The following CASP8 variants were observed in gnomAD, a reference collection of about 807,000 sequenced individuals.
CASP8 encodes the protein caspase-8.
A neutral mutation model predicts 46.3 loss-of-function variants in CASP8; 24 were observed. That is an observed-to-expected ratio of 0.52 (90% CI 0.38 to 0.73). The LOEUF (loss-of-function observed/expected upper bound fraction) is 0.73, where lower values mean the gene tolerates loss of function less well. Among genes scored for constraint, CASP8 ranks in the 30% least tolerant of loss-of-function variants. CASP8 has a pLI of 0.00. For missense variants in CASP8, 460 were observed against 559.0 expected (o/e 0.82, Z 1.79); for synonymous variants, 188 against 200.4 (o/e 0.94, Z 0.52).
At chr2:201,237,337 C>T (rs1211247323) in intron 2 of CASP8, among the ~76,000 whole-genome samples, 1 of 149,746 alleles carries the variant, frequency 6.7e-6, no homozygotes, top group Admixed American at 6.6e-5. Context: ...GTGATCTGCC[C>T]GCCTCGGCTT....
intron 2 of CASP8, among the ~76,000 whole-genome samples, chr2:201,236,258 C>T (rs1054008158): frequency 2.6e-5 from 4 of 152,156 alleles, no homozygotes; most frequent in African/African-American, 9.7e-5. Flanking sequence ...AGCGGCATCC[C>T]ATGCATTTTG....
At chr2:201,273,068 T>TC (rs1948389308) in intron 5 of CASP8, 126 bp downstream of exon 5, 1 of 848,624 alleles carries the variant, frequency 1.2e-6, no homozygotes, top group Non-Finnish European at 1.9e-6. Context: ...CTTTTTTTTT[T>TC]TTTTTTTGTG....
chr2:201,285,370 C>T (rs2125495240), intron 8 of CASP8, 53 bp downstream of exon 8: 6 of 1,580,050 alleles, frequency 3.8e-6, no homozygotes, highest in Non-Finnish European at 5.2e-6. Context: ...TCCCCCCCTA[C>T]TCCATCACAC....
rs1559372394 is a variant in CASP8, at chr2:201,283,727, C to CAGAGGGGCTCCTGGCT, written c.803-1089_803-1088insAGAGGGGCTCCTGGCT. Reference sequence around the variant, plus strand: ...CTCCCTCCCGGACGGGGCGGCTGGCCGGGCAGAGGGGCTCCTCACTTCCCA... The same window carrying CAGAGGGGCTCCTGGCT: ...CTCCCTCCCGGACGGGGCGGCTGGCCAGAGGGGCTCCTGGCTGGGCAGAGGGGCTCCTCACTTCCCA... On this transcript the variant is annotated intron_variant, in intron 7 of 8. Coordinates refer to ENST00000673742, the MANE Select transcript of CASP8 (RefSeq NM_001372051.1). Among the ~76,000 whole-genome samples, 113 of 75,336 alleles carry CAGAGGGGCTCCTGGCT rather than the reference C, an allele frequency of 1.5e-3. 2 individuals are homozygous for CAGAGGGGCTCCTGGCT. The highest frequency in any genetic ancestry group is 2.8e-3 in the Non-Finnish European group (81 of 28,606). 49.4% of individuals were successfully genotyped at this position (75,336 alleles called of 152,430 possible).
intron 2 of CASP8, among the ~76,000 whole-genome samples, chr2:201,239,225 C>G (rs988980072): frequency 3.3e-5 from 5 of 152,238 alleles, no homozygotes; most frequent in Non-Finnish European, 7.3e-5. Context: ...CCTTTCCCCC[C>G]TTTCTGTTCC....
chr2:201,238,617 A>G (rs1011521927), intron 2 of CASP8, among the ~76,000 whole-genome samples: 3 of 151,762 alleles, frequency 2.0e-5, no homozygotes, highest in African/African-American at 7.3e-5. Context: ...AATTTTTTGT[A>G]TTTTTAGTAG....
rs558455832 is a variant in CASP8, at chr2:201,269,019, A to G, written c.305+2228A>G. Among the ~76,000 whole-genome samples, 4 of 149,550 alleles carry G rather than the reference A, an allele frequency of 2.7e-5. No homozygotes were observed. The South Asian group carries it at 8.5e-4, about 32-fold the overall frequency. On this transcript the variant is annotated intron_variant, in intron 2 of 8. Coordinates refer to ENST00000673742, the MANE Select transcript of CASP8 (RefSeq NM_001372051.1). ...AGTGGCATGATCTCGGCTCAGTGCA[A>G]CCTCCACCTCCTGGGTTCAAGCAAT...
intron 2 of CASP8, among the ~76,000 whole-genome samples, chr2:201,251,294 T>A (rs1179764752): frequency 6.6e-6 from 1 of 152,158 alleles, no homozygotes; most frequent in African/African-American, 2.4e-5. Flanking sequence ...TGCTGGATCT[T>A]GCGGTAAGCA....
At chr2:201,284,403 C>G (rs1296147235) in intron 7 of CASP8, among the ~76,000 whole-genome samples, 2 of 75,810 alleles carry the variant, frequency 2.6e-5, no homozygotes, top group East Asian at 4.0e-4. Context: ...ACTGAGTGAA[C>G]GAGACTCCAT....
At chr2:201,277,963 A>C (rs1428185709) in intron 7 of CASP8, 1 of 201,204 alleles carries the variant, frequency 5.0e-6, no homozygotes, top group Non-Finnish European at 1.0e-5. Flanking sequence ...GGCCTCCCAA[A>C]GTGCTGGAAT....
chr2:201,258,427 A>G (rs374356438), upstream of CASP8: 168 of 1,611,112 alleles, frequency 1.0e-4, no homozygotes, highest in Non-Finnish European at 1.4e-4. Flanking sequence ...GGAAACCACA[A>G]TATTTTTGTT....
intron 7 of CASP8, among the ~76,000 whole-genome samples, chr2:201,283,385 A>G (rs1374678263): frequency 1.1e-3 from 38 of 33,778 alleles, no homozygotes; most frequent in Middle Eastern, 0.038. Flanking sequence ...GCGGCTGGCC[A>G]GGCGGGGGGC....
At position 201,269,490 on chromosome 2, in the gene CASP8, A is replaced by C. The variant is rs1006047483; in HGVS notation, c.306-2026A>C. ...CCGAGGGGGGTCTCATCTTGTGCCC[A>C]CCATCTTGGTCCTTTGAAGGTTCCA... is the stretch of plus-strand genomic sequence containing the variant. On this transcript the variant is annotated intron_variant, in intron 2 of 8. Coordinates refer to ENST00000673742, the MANE Select transcript of CASP8 (RefSeq NM_001372051.1). The C allele has an allele frequency of 1.9e-6, 3 of 1,590,134 alleles. No individual in the cohort carries two copies. In the African/African-American group the frequency reaches 4.0e-5, roughly 21 times the overall value.
upstream of CASP8, among the ~76,000 whole-genome samples, chr2:201,255,707 C>T (rs1446284281): frequency 6.6e-6 from 1 of 152,186 alleles, no homozygotes; most frequent in Non-Finnish European, 1.5e-5. Flanking sequence ...TTATAGCCAT[C>T]TTAGAGATGT....
intron 1 of CASP8, among the ~76,000 whole-genome samples, chr2:201,265,896 G>A (rs1385860918): frequency 4.0e-5 from 6 of 151,832 alleles, no homozygotes; most frequent in Admixed American, 3.9e-4. Context: ...CTTCTCCCAG[G>A]CTAAGTTAAG....
chr2:201,254,369 C>T (rs1358012521), intron 2 of CASP8, among the ~76,000 whole-genome samples: 1 of 152,188 alleles, frequency 6.6e-6, no homozygotes, highest in Non-Finnish European at 1.5e-5. Flanking sequence ...CTCTTTGAGC[C>T]TCTCCCTACA....
intron 2 of CASP8, among the ~76,000 whole-genome samples, chr2:201,243,685 G>A (rs1003716750): frequency 3.3e-5 from 5 of 152,320 alleles, no homozygotes; most frequent in East Asian, 3.9e-4. Flanking sequence ...ACTCAGGAAC[G>A]TGTAATATCG....
chr2:201,249,047 A>G (rs575891857), intron 2 of CASP8, among the ~76,000 whole-genome samples: 1 of 152,204 alleles, frequency 6.6e-6, no homozygotes, highest in African/African-American at 2.4e-5. Flanking sequence ...GCCCCCCACC[A>G]TGCCCAGCCA....
chr2:201,287,150 ATTG>A lies in CASP8; in HGVS notation c.*559_*561del, dbSNP rs1383894461. ...TGAATATAGAGGGCTTATGATTCAGATTGTTATCTATCAACTATAAGCCCACTG... is the reference window on the plus strand; with the variant it reads ...TGAATATAGAGGGCTTATGATTCAGATTATCTATCAACTATAAGCCCACTG... On this transcript the variant is annotated 3_prime_UTR_variant, in exon 9 of 9. Transcript: ENST00000673742. 6.2e-6 allele frequency: 1 copy of A among 161,594 alleles called. No homozygotes were observed. The highest frequency in any genetic ancestry group is 1.4e-5 in the Non-Finnish European group (1 of 72,308). 10.0% of individuals were successfully genotyped at this position (161,594 alleles called of 1,614,324 possible). A position where few individuals can be genotyped will look rare whatever the true frequency, so the allele number is the denominator to read the frequency against.
Sources: gnomAD v4.1 joint callset for allele counts (sites outside exome capture counted in the v4.1 genomes callset) on GRCh38, gnomAD v4.1.1 for gene constraint, MANE v1.5 for transcripts, NCBI Gene and HGNC (gene_info 2026-07-23, HGNC 2026-07-21) for gene names.